Variants in CNTN4 observed in about 807,000 individuals in gnomAD.
CNTN4 encodes the protein contactin-4.
In CNTN4, 77 loss-of-function variants were observed where a neutral mutation model predicts 122.5. The ratio of observed to expected loss-of-function variants is 0.63; its 90% CI spans 0.52 to 0.76. The LOEUF is 0.76. CNTN4 is among the 30% of genes least tolerant of loss of function. The pLI is 0.00. For synonymous variants in CNTN4, 512 were observed against 447.0 expected (o/e 1.15, Z -1.83); for missense variants, 1,256 against 1,259.1 (o/e 1.00, Z 0.04).
rs575232475 is a variant in CNTN4 at position 2,518,187 on chromosome 3, TAGG to T, written c.-88-53224_-88-53222del. Among the ~76,000 whole-genome samples, 12 of 152,124 alleles carry T rather than the reference TAGG, an allele frequency of 7.9e-5. No homozygotes were observed. The East Asian group carries it at 2.3e-3, about 29-fold the overall frequency. Reference sequence around the variant, plus strand: ...TTTTAAACTTTCTTACCTAAATTATTAGGAGGAAAACAGTTTCTTAGGTTAATA... The same window carrying T: ...TTTTAAACTTTCTTACCTAAATTATTAGGAAAACAGTTTCTTAGGTTAATA... On this transcript the variant is annotated intron_variant, in intron 3 of 24. Coordinates refer to ENST00000418658, the MANE Select transcript of CNTN4 (RefSeq NM_175607.3).
intron 6 of CNTN4, among the ~76,000 whole-genome samples, chr3:2,807,771 G>C (rs1211163618): frequency 5.9e-5 from 9 of 152,144 alleles, no homozygotes; most frequent in Non-Finnish European, 1.3e-4. Context: ...AGTACAGAGT[G>C]AAGAGTCTTC....
intron 4 of CNTN4, among the ~76,000 whole-genome samples, chr3:2,693,305 G>C (rs557165773): frequency 6.6e-6 from 1 of 152,238 alleles, no homozygotes; most frequent in South Asian, 2.1e-4. Context: ...TCAAGATATA[G>C]AACAGAGTTA....
At chr3:2,504,120 C>T (rs1331971546) in intron 3 of CNTN4, among the ~76,000 whole-genome samples, 1 of 151,918 alleles carries the variant, frequency 6.6e-6, no homozygotes, top group Non-Finnish European at 1.5e-5. Flanking sequence ...TCTCTGCTTC[C>T]TTAATAGAGA....
At chr3:2,862,266 G>T (rs58973247) in intron 7 of CNTN4, among the ~76,000 whole-genome samples, 29,729 of 152,120 alleles carry the variant, frequency 0.2, 3,551 homozygotes, top group East Asian at 0.64. Flanking sequence ...ACCATCCAGA[G>T]AATTCTGATT....
rs571394013 is a variant in CNTN4, at chr3:2,834,425, G to A, written c.454+14844G>A. Among the ~76,000 whole-genome samples, 12 of 152,170 alleles carry A rather than the reference G, an allele frequency of 7.9e-5. No homozygotes were observed. In the South Asian group the frequency reaches 2.5e-3, roughly 32 times the overall value. Reference sequence around the variant, plus strand: ...ACTAAAGATTTAAAAAGTTAGCTGGGCGTGGTGGTGCATGTTTGTAATCCC... The same window carrying A: ...ACTAAAGATTTAAAAAGTTAGCTGGACGTGGTGGTGCATGTTTGTAATCCC... On this transcript the variant is annotated intron_variant, in intron 7 of 24. Transcript: ENST00000418658.
At chr3:2,860,471 T>C (rs548715753) in intron 7 of CNTN4, among the ~76,000 whole-genome samples, 2 of 152,340 alleles carry the variant, frequency 1.3e-5, no homozygotes, top group African/African-American at 4.8e-5. Context: ...CCAAGTTCTC[T>C]GGACCACAGA....
At chr3:2,754,792 A>G (rs928895945) in intron 6 of CNTN4, among the ~76,000 whole-genome samples, 3 of 152,050 alleles carry the variant, frequency 2.0e-5, no homozygotes, top group Non-Finnish European at 4.4e-5. Context: ...GAGTAATGTA[A>G]CACAATAAAT....
chr3:2,251,737 T>A (rs1011334812), intron 2 of CNTN4, among the ~76,000 whole-genome samples: 1 of 151,912 alleles, frequency 6.6e-6, no homozygotes, highest in African/African-American at 2.4e-5. Flanking sequence ...TTCTTTTTTT[T>A]AATTCACAAT....
chr3:2,908,998 C>G (rs2094268996), intron 12 of CNTN4, among the ~76,000 whole-genome samples: 1 of 152,196 alleles, frequency 6.6e-6, no homozygotes, highest in African/African-American at 2.4e-5. Context: ...GAGCGATTAT[C>G]TGGTTAATTT....
At chr3:2,985,268 T>C (rs1214184811) in intron 13 of CNTN4, 1 of 152,462 alleles carries the variant, frequency 6.6e-6, no homozygotes, top group African/African-American at 2.4e-5. Flanking sequence ...TTTAGCTTCA[T>C]AGATTTAGGC....
At chr3:2,675,983 T>A (rs1324545661) in intron 4 of CNTN4, among the ~76,000 whole-genome samples, 1 of 152,240 alleles carries the variant, frequency 6.6e-6, no homozygotes, top group African/African-American at 2.4e-5. Context: ...TTCATGAAGT[T>A]TAACTCTAAG....
At chr3:2,504,395 T>TC (rs2076678553) in intron 3 of CNTN4, among the ~76,000 whole-genome samples, 1 of 152,168 alleles carries the variant, frequency 6.6e-6, no homozygotes, top group South Asian at 2.1e-4. Context: ...TGAGAAAACT[T>TC]CAGAAGCCTA....
intron 14 of CNTN4, among the ~76,000 whole-genome samples, chr3:3,007,438 A>C (rs1206565567): frequency 2.0e-5 from 3 of 152,224 alleles, no homozygotes; most frequent in African/African-American, 4.8e-5. Flanking sequence ...GGAAAGATGT[A>C]TATCAGATCA....
intron 15 of CNTN4, among the ~76,000 whole-genome samples, chr3:3,029,174 A>G (rs1431022490): frequency 6.6e-6 from 1 of 152,238 alleles, no homozygotes; most frequent in Non-Finnish European, 1.5e-5. Flanking sequence ...GCCAAGTGTT[A>G]CAAACAAAAG....
At chr3:2,500,600 A>G (rs1382718955) in intron 3 of CNTN4, among the ~76,000 whole-genome samples, 1 of 152,074 alleles carries the variant, frequency 6.6e-6, no homozygotes, top group Non-Finnish European at 1.5e-5. Context: ...TTGGGTATCC[A>G]CTGGTACACT....
At chr3:3,013,745 T>G (rs1697463038) in intron 14 of CNTN4, among the ~76,000 whole-genome samples, 2 of 152,188 alleles carry the variant, frequency 1.3e-5, no homozygotes, top group African/African-American at 4.8e-5. Flanking sequence ...GCCTTGTACA[T>G]CTTGCCTGCT....
At chr3:2,144,107 G>A (rs921261911) in intron 2 of CNTN4, 4 of 152,212 alleles carry the variant, frequency 2.6e-5, no homozygotes, top group African/African-American at 9.6e-5. Context: ...GAAATAGAGG[G>A]TGTAGGAGGT....
At chr3:2,618,513 C>T (rs2081867819) in intron 4 of CNTN4, among the ~76,000 whole-genome samples, 1 of 151,996 alleles carries the variant, frequency 6.6e-6, no homozygotes, top group African/African-American at 2.4e-5. Flanking sequence ...TGTATATACA[C>T]ACTCACTTCA....
intron 2 of CNTN4, among the ~76,000 whole-genome samples, chr3:2,123,514 C>G (rs1022264215): frequency 1.4e-4 from 21 of 152,150 alleles, no homozygotes; most frequent in African/African-American, 5.1e-4. Context: ...CACCCCTGTA[C>G]TTAGAGGGAT....
Sources: allele counts gnomAD v4.1 joint callset (sites outside exome capture counted in the v4.1 genomes callset), GRCh38; gene constraint gnomAD v4.1.1; transcripts MANE v1.5; gene names NCBI Gene and HGNC (gene_info 2026-07-23, HGNC 2026-07-21).